Variants in PITPNC1 observed in about 807,000 individuals in gnomAD.
PITPNC1 encodes cytoplasmic phosphatidylinositol transfer protein 1.
In PITPNC1, 18 loss-of-function variants were observed where a neutral mutation model predicts 44.7. The ratio of observed to expected loss-of-function variants is 0.40; its 90% confidence interval spans 0.28 to 0.60. The LOEUF (loss-of-function observed/expected upper bound fraction) is 0.60, where lower values mean the gene tolerates loss of function less well. Ranked by LOEUF, PITPNC1 falls within the 20% of genes least tolerant of loss-of-function variation. The probability of loss-of-function intolerance (pLI) is 0.39; values close to 1 mark genes in which losing one functional copy is unlikely to be tolerated. For synonymous variants in PITPNC1, 141 were observed against 149.6 expected (o/e 0.94, Z 0.42); for missense variants, 290 against 418.4 (o/e 0.69, Z 2.68).
At chr17:67,505,802 G>C (rs959641035) in intron 1 of PITPNC1, among the ~76,000 whole-genome samples, 1 of 152,190 alleles carries the variant, frequency 6.6e-6, no homozygotes, top group Non-Finnish European at 1.5e-5. Context: ...CACCTGTAGG[G>C]AGTGTTTCCT....
chr17:67,692,506 G>A (rs2042947127), intron 8 of PITPNC1, 66 bp from the exon 9 acceptor site: 2 of 1,111,586 alleles, frequency 1.8e-6, no homozygotes, highest in East Asian at 4.7e-5. Context: ...AACAAGGGTA[G>A]TGATGAATCT....
rs1052534326 is a variant in PITPNC1 at position 67,676,138 on chromosome 17, C to T, written c.682+596C>T. On this transcript the variant is annotated intron_variant, in intron 8 of 8. Coordinates refer to ENST00000581322, the MANE Select transcript of PITPNC1 (RefSeq NM_012417.4). The surrounding 1 kb of genome is among the most constrained non-coding windows in gnomAD (Gnocchi z 4.0). ...AGGAGAATGGCATGAACCTGGGAGG[C>T]GGAGTTTGCAGTGAGCCGAGATCGC... 4.0e-5 allele frequency among the ~76,000 whole-genome samples: 6 copies of T among 150,220 alleles called. No homozygotes were observed. The highest frequency in any genetic ancestry group is 2.0e-4 in the East Asian group (1 of 5,072).
chr17:67,667,601 C>T (rs2042443104), intron 6 of PITPNC1, among the ~76,000 whole-genome samples: 1 of 149,486 alleles, frequency 6.7e-6, no homozygotes, highest in Non-Finnish European at 1.5e-5. Context: ...AAAAAATAAT[C>T]TTCTAATGAA....
chr17:67,618,118 T>C (rs928338238), intron 5 of PITPNC1, among the ~76,000 whole-genome samples: 1 of 152,112 alleles, frequency 6.6e-6, no homozygotes, highest in African/African-American at 2.4e-5. Context: ...CCCAGCACTT[T>C]GGGAGACCAA....
At chr17:67,636,246 C>G (rs1195728989) in intron 6 of PITPNC1, among the ~76,000 whole-genome samples, 1 of 145,588 alleles carries the variant, frequency 6.9e-6, no homozygotes, top group Non-Finnish European at 1.5e-5. Context: ...TGCGCTACTG[C>G]ACTCCAGCCC....
At chr17:67,648,382 G>C (rs2042174455) in intron 6 of PITPNC1, among the ~76,000 whole-genome samples, 2 of 152,194 alleles carry the variant, frequency 1.3e-5, no homozygotes, top group African/African-American at 4.8e-5. Flanking sequence ...AAGTTCAAAG[G>C]CTGCAAACCG....
chr17:67,683,993 A>AG (rs1167492069), intron 8 of PITPNC1, among the ~76,000 whole-genome samples: 3 of 149,546 alleles, frequency 2.0e-5, no homozygotes, highest in Non-Finnish European at 4.5e-5. Flanking sequence ...AAAAAAAAAA[A>AG]GAAAAGAAAA....
chr17:67,455,746 A>G (rs906136551), intron 1 of PITPNC1, among the ~76,000 whole-genome samples: 3 of 151,950 alleles, frequency 2.0e-5, no homozygotes, highest in African/African-American at 4.8e-5. Context: ...CCAGCTGGGT[A>G]TCTACATTTT....
At chr17:67,486,406 T>G (rs891311820) in intron 1 of PITPNC1, among the ~76,000 whole-genome samples, 8 of 152,204 alleles carry the variant, frequency 5.3e-5, no homozygotes, top group African/African-American at 1.7e-4. Flanking sequence ...AATAGACCTC[T>G]TCTTCCTCCT....
chr17:67,420,811 A>C (rs746825934), intron 1 of PITPNC1, among the ~76,000 whole-genome samples: 28 of 152,148 alleles, frequency 1.8e-4, no homozygotes, highest in Admixed American at 1.0e-3. Flanking sequence ...AGAAGCACTT[A>C]GTGTTTTGGC....
intron 1 of PITPNC1, among the ~76,000 whole-genome samples, chr17:67,382,118 G>A (rs1011002448): frequency 2.6e-5 from 4 of 152,138 alleles, no homozygotes; most frequent in Admixed American, 6.6e-5. Flanking sequence ...TCCAGCAAAA[G>A]GAAAAACATT....
At chr17:67,512,194 T>C (rs12949979) in intron 1 of PITPNC1, among the ~76,000 whole-genome samples, 122,865 of 152,132 alleles carry the variant, frequency 0.81, 49,869 homozygotes, top group East Asian at 0.93. Flanking sequence ...TCCCAGTTTC[T>C]TCAAATGAAA....
intron 1 of PITPNC1, among the ~76,000 whole-genome samples, chr17:67,451,708 G>A (rs112185293): frequency 0.04 from 5,988 of 150,774 alleles, 405 homozygotes; most frequent in African/African-American, 0.14. Context: ...GCGCGATCTC[G>A]GCTCACTGCA....
intron 1 of PITPNC1, among the ~76,000 whole-genome samples, chr17:67,426,183 T>C (rs2038762314): frequency 1.3e-5 from 2 of 152,296 alleles, no homozygotes; most frequent in South Asian, 2.1e-4. Flanking sequence ...GTTCCACCAT[T>C]GTGGAAGACA....
At position 67,651,857 on chromosome 17, in the gene PITPNC1, C is replaced by T. The variant is rs142528329; in HGVS notation, c.463-17651C>T. Among the ~76,000 whole-genome samples, 945 of 152,258 alleles carry T rather than the reference C, an allele frequency of 6.2e-3. 8 individuals carry two copies. The highest frequency in any genetic ancestry group is 0.022 in the African/African-American group (903 of 41,544). The stretch of plus-strand genomic sequence containing the variant: ...AAGCTCCTTGGTTTTATGTGTATCC[C>T]TCTTAAGATTCAAGTTCAAGGAATC... On this transcript the variant is annotated intron_variant, in intron 6 of 8. Transcript: ENST00000581322.
intron 5 of PITPNC1, among the ~76,000 whole-genome samples, chr17:67,603,860 G>C (rs1446353151): frequency 6.6e-6 from 1 of 151,872 alleles, no homozygotes; most frequent in Admixed American, 6.6e-5. Flanking sequence ...AACCAGGGAG[G>C]CAGAGGCTGC....
chr17:67,462,053 A>C (rs775309736), intron 1 of PITPNC1, among the ~76,000 whole-genome samples: 2 of 151,960 alleles, frequency 1.3e-5, no homozygotes, highest in Non-Finnish European at 2.9e-5. Flanking sequence ...TTGCTTTCAC[A>C]ACATGCCTCT....
chr17:67,645,312 G>A (rs184353251), intron 6 of PITPNC1, among the ~76,000 whole-genome samples: 218 of 146,108 alleles, frequency 1.5e-3, no homozygotes, highest in Admixed American at 4.0e-3. Flanking sequence ...TTGCATTCCA[G>A]CCTGGGCAAC....
intron 1 of PITPNC1, among the ~76,000 whole-genome samples, chr17:67,415,000 C>A (rs1160773442): frequency 6.6e-6 from 1 of 152,190 alleles, no homozygotes; most frequent in Non-Finnish European, 1.5e-5. Context: ...CCATCTCAGC[C>A]TCCTGAGTAG....
Sources: allele counts gnomAD v4.1 joint callset (sites outside exome capture counted in the v4.1 genomes callset), GRCh38; gene constraint gnomAD v4.1.1; non-coding constraint Gnocchi (gnomAD v3.1); transcripts MANE v1.5; gene names NCBI Gene and HGNC (gene_info 2026-07-23, HGNC 2026-07-21).